GTF2F2: variants seen among roughly 807,000 people sequenced by gnomAD.
GTF2F2 encodes ATP-dependent helicase GTF2F2.
A neutral mutation model predicts 42.2 loss-of-function variants in GTF2F2; 23 were observed. That is an observed-to-expected ratio of 0.55 (90% CI 0.39 to 0.77). The LOEUF (loss-of-function observed/expected upper bound fraction) is 0.77, where lower values mean the gene tolerates loss of function less well. GTF2F2 is among the 30% of genes least tolerant of loss of function. GTF2F2 has a pLI of 0.00. For missense variants in GTF2F2, 261 were observed against 287.2 expected (o/e 0.91, Z 0.66); for synonymous variants, 105 against 100.8 (o/e 1.04, Z -0.25).
intron 2 of GTF2F2, among the ~76,000 whole-genome samples, chr13:45,140,962 T>G (rs1248724357): frequency 6.6e-6 from 1 of 152,228 alleles, no homozygotes; most frequent in South Asian, 2.1e-4. Context: ...TTACACTTCT[T>G]GTTTGTAAAA....
chr13:45,168,339 A>G (rs1871403245), intron 4 of GTF2F2, among the ~76,000 whole-genome samples: 1 of 152,010 alleles, frequency 6.6e-6, no homozygotes, highest in Admixed American at 6.5e-5. Context: ...GCTGCCAACT[A>G]CTCTGCCTGC....
chr13:45,174,194 G>C (rs534862157), intron 4 of GTF2F2, among the ~76,000 whole-genome samples: 4 of 152,078 alleles, frequency 2.6e-5, no homozygotes, highest in Non-Finnish European at 5.9e-5. Context: ...GTGAGTGCAG[G>C]TTTTCATTTC....
intron 6 of GTF2F2, among the ~76,000 whole-genome samples, chr13:45,257,213 CA>C (rs1277735651): frequency 6.6e-6 from 1 of 152,054 alleles, no homozygotes; most frequent in East Asian, 1.9e-4. Flanking sequence ...TCTACTGGGC[CA>C]AAAAGAATTA....
Position 45,120,698 on chromosome 13 carries a change from A to G in GTF2F2, c.43A>G (p.Asn15Asp), listed in dbSNP as rs1421326165. 11 of 1,561,408 alleles carry G rather than the reference A, an allele frequency of 7.0e-6. No homozygotes were observed. The highest frequency in any genetic ancestry group is 1.7e-4 in the Middle Eastern group (1 of 5,994). The change falls in exon 1 of 8, where the codon AAC becomes GAC. Residue 15 changes from asparagine to aspartate, a missense_variant. By Grantham distance (23) the Asn-to-Asp change is conservative. Coordinates refer to ENST00000340473, the MANE Select transcript of GTF2F2 (RefSeq NM_004128.3). The stretch of plus-strand genomic sequence containing the variant: ...ACTCGACTTGACCGGCGCCAAACAG[A>G]ACACAGGAGTGTGGCTAGTCAAGGT... ...GELDLTGAKQ[N>D]TGVWLVKVPK... is the part of the protein sequence containing the mutation.
intron 1 of GTF2F2, among the ~76,000 whole-genome samples, chr13:45,127,352 G>T (rs1869069427): frequency 6.6e-6 from 1 of 151,976 alleles, no homozygotes; most frequent in Admixed American, 6.6e-5. Flanking sequence ...TTGAGACAGG[G>T]TCTCACTCTG....
chr13:45,243,316 C>G (rs1875415152), intron 5 of GTF2F2, among the ~76,000 whole-genome samples: 1 of 152,200 alleles, frequency 6.6e-6, no homozygotes, highest in Admixed American at 6.5e-5. Context: ...ACATTACTGC[C>G]TGAGCTCCGC....
At chr13:45,162,414 G>C (rs1354227253) in intron 4 of GTF2F2, among the ~76,000 whole-genome samples, 2 of 152,140 alleles carry the variant, frequency 1.3e-5, no homozygotes, top group Non-Finnish European at 2.9e-5. Context: ...ACCAGCTTCT[G>C]ACAATCTTAT....
chr13:45,185,122 A>G (rs1039275101), intron 4 of GTF2F2, among the ~76,000 whole-genome samples: 1 of 152,132 alleles, frequency 6.6e-6, no homozygotes, highest in Non-Finnish European at 1.5e-5. Context: ...CGCTTAGCCC[A>G]TTATTTTCTA....
At chr13:45,255,338 A>G (rs1305284199) in intron 6 of GTF2F2, among the ~76,000 whole-genome samples, 4 of 152,182 alleles carry the variant, frequency 2.6e-5, no homozygotes, top group Non-Finnish European at 5.9e-5. Flanking sequence ...GAACAATGAA[A>G]TTTAAGAAAG....
Position 45,167,606 on chromosome 13 carries a change from G to A in GTF2F2, c.304+15775G>A, listed in dbSNP as rs150738993. On this transcript the variant is annotated intron_variant, in intron 4 of 7. Transcript: ENST00000340473. ...GTAGAGATGGGGTTCTACCATGTTG[G>A]CCAGGATGGTCTTGATCTCTTGACG... Among the ~76,000 whole-genome samples the A allele has an allele frequency of 5.3e-3, 808 of 152,100 alleles. 4 individuals are homozygous for A. Among genetic ancestry groups the A allele is most frequent in the African/African-American group, 0.019 (773 of 41,476 alleles).
At position 45,238,945 on chromosome 13, in the gene GTF2F2, GAAA is replaced by G. The variant is rs201402405; in HGVS notation, c.387-13913_387-13911del. Among the ~76,000 whole-genome samples, 20 of 101,688 alleles carry G rather than the reference GAAA, an allele frequency of 2.0e-4. No homozygotes were observed. In the South Asian group the frequency reaches 2.1e-3, roughly 11 times the overall value. 66.7% of individuals were successfully genotyped at this position (101,688 alleles called of 152,430 possible). A position where few individuals can be genotyped will look rare whatever the true frequency, so the allele number is the denominator to read the frequency against. On this transcript the variant is annotated intron_variant, in intron 5 of 7. Transcript: ENST00000340473. ...GGCAATAAGAGCGAAATTCCATCTC[GAAA>G]AAAAAAAAAAAAGGAAAAAAAGGAA... is the stretch of plus-strand genomic sequence containing the variant.
intron 1 of GTF2F2, among the ~76,000 whole-genome samples, chr13:45,121,850 TG>T (rs1418808130): frequency 1.3e-5 from 2 of 152,190 alleles, no homozygotes; most frequent in African/African-American, 4.8e-5. Flanking sequence ...CTTAAAAGGA[TG>T]GATTAAATAG....
At chr13:45,169,594 G>T (rs1871491858) in intron 4 of GTF2F2, among the ~76,000 whole-genome samples, 1 of 152,160 alleles carries the variant, frequency 6.6e-6, no homozygotes, top group Non-Finnish European at 1.5e-5. Flanking sequence ...TAGAAAAATT[G>T]ATTTTCTTCT....
At chr13:45,133,593 A>G (rs1218390912) in intron 1 of GTF2F2, among the ~76,000 whole-genome samples, 1 of 152,194 alleles carries the variant, frequency 6.6e-6, no homozygotes. Flanking sequence ...GAGTGGTCAT[A>G]AACCATCTGA....
At chr13:45,217,160 A>T (rs1225082659) in intron 5 of GTF2F2, among the ~76,000 whole-genome samples, 1 of 151,960 alleles carries the variant, frequency 6.6e-6, no homozygotes, top group Non-Finnish European at 1.5e-5. Flanking sequence ...TTAGCTGGGC[A>T]TGGTGGTGGC....
intron 4 of GTF2F2, among the ~76,000 whole-genome samples, chr13:45,171,065 CTATCT>C (rs1871571741): frequency 6.7e-6 from 1 of 148,316 alleles, no homozygotes; most frequent in African/African-American, 2.5e-5. Context: ...GCCTAAAACC[CTATCT>C]TTTTTTTTTT....
intron 7 of GTF2F2, 79 bp from the exon 8 acceptor site, chr13:45,283,363 C>G: frequency 1.6e-6 from 2 of 1,286,032 alleles, no homozygotes; most frequent in Admixed American, 2.4e-5. Flanking sequence ...TGCATATGTG[C>G]TTTGGCATAT....
intron 5 of GTF2F2, among the ~76,000 whole-genome samples, chr13:45,238,695 A>T (rs1311316635): frequency 5.9e-5 from 9 of 152,144 alleles, no homozygotes; most frequent in Non-Finnish European, 1.3e-4. Flanking sequence ...CTGTAATCCC[A>T]GCACTTTGGG....
intron 4 of GTF2F2, among the ~76,000 whole-genome samples, chr13:45,195,120 G>C (rs1289801450): frequency 6.6e-6 from 1 of 152,134 alleles, no homozygotes; most frequent in African/African-American, 2.4e-5. Flanking sequence ...ACATTTCAAA[G>C]TATTGTAGTC....
Sources: allele counts gnomAD v4.1 joint callset (sites outside exome capture counted in the v4.1 genomes callset), GRCh38; gene constraint gnomAD v4.1.1; transcripts MANE v1.5; gene names NCBI Gene and HGNC (gene_info 2026-07-23, HGNC 2026-07-21).